The following RIPOR1 variants were observed in gnomAD, a reference collection of about 807,000 sequenced individuals.
RIPOR1 encodes the protein rho family-interacting cell polarization regulator 1.
Under a neutral mutation model 116.5 loss-of-function variants are expected in RIPOR1, and 58 were observed. That is an observed-to-expected ratio of 0.50 (90% CI 0.40 to 0.62). The LOEUF is 0.62. RIPOR1 is among the 20% of genes least tolerant of loss of function. The probability of loss-of-function intolerance (pLI) is 0.00; values close to 1 mark genes in which losing one functional copy is unlikely to be tolerated. For synonymous variants in RIPOR1, 605 were observed against 650.0 expected (o/e 0.93, Z 1.05); for missense variants, 1,372 against 1,586.2 (o/e 0.86, Z 2.29).
rs28364801 is a variant in RIPOR1 at position 67,542,768 on chromosome 16, C to T, written c.1982C>T (p.Thr661Ile). 2.6e-4 allele frequency: 424 copies of T among 1,613,048 alleles called. 3 individuals carry two copies. In the East Asian group the frequency reaches 9.3e-3, roughly 35 times the overall value. Reference sequence around the variant, plus strand: ...ACTGCCACAAGTCCCACCCATCCTACCACAAGCCCCACCCATCCCACCACA... The same window carrying T: ...ACTGCCACAAGTCCCACCCATCCTATCACAAGCCCCACCCATCCCACCACA... Reference protein sequence around the residue: ...VQTATSPTHPTTSPTHPTTSP... With the variant: ...VQTATSPTHPITSPTHPTTSP... The change falls in exon 13 of 22, where the codon ACC (threonine) becomes ATC (isoleucine). Residue 661 changes from threonine to isoleucine, a missense_variant. Thr to Ile is a moderately conservative substitution (Grantham distance 89). Coordinates refer to ENST00000042381, the MANE Select transcript of RIPOR1 (RefSeq NM_024519.4). This position sits in a 1 kb window ranked among gnomAD's most constrained non-coding sequence, Gnocchi z 4.6.
At chr16:67,525,507 C>A (rs921361962), upstream of RIPOR1, among the ~76,000 whole-genome samples, 1 of 151,060 alleles carries the variant, frequency 6.6e-6, no homozygotes, top group Non-Finnish European at 1.5e-5. Flanking sequence ...TTGTCATCCG[C>A]GGGGGCTGTA....
At chr16:67,525,641 G>A (rs2050534008), upstream of RIPOR1, among the ~76,000 whole-genome samples, 1 of 152,116 alleles carries the variant, frequency 6.6e-6, no homozygotes, top group Non-Finnish European at 1.5e-5. Context: ...ACCACCCTCT[G>A]CTGTCTGTCC....
rs1006645494 is a variant in RIPOR1 at position 67,540,514 on chromosome 16, G to A, written c.675+13G>A. 1 of 1,613,998 alleles carries A rather than the reference G, an allele frequency of 6.2e-7. No individual in the cohort carries two copies. The highest frequency in any genetic ancestry group is 8.5e-7 in the Non-Finnish European group (1 of 1,180,002). On this transcript the variant is annotated intron_variant, in intron 9 of 21. Transcript: ENST00000042381. The surrounding 1 kb of genome is among the most constrained non-coding windows in gnomAD (Gnocchi z 4.7). Reference sequence around the variant, plus strand: ...CGATCAGTATGAGGTATGAGAATGTGCAGGGAAGGGCTGGGTCGGTAGGGT... The same window carrying A: ...CGATCAGTATGAGGTATGAGAATGTACAGGGAAGGGCTGGGTCGGTAGGGT...
At chr16:67,522,191 ATTTTTTT>A (rs34835336) in intron 1 of RIPOR1, among the ~76,000 whole-genome samples, 5 of 71,340 alleles carry the variant, frequency 7.0e-5, no homozygotes, top group Admixed American at 1.6e-4. Flanking sequence ...CCACGCCCAG[ATTTTTTT>A]TTTTTTTTTT....
Position 67,542,803 on chromosome 16 carries a change from C to T in RIPOR1, c.2017C>T (p.Leu673Phe), listed in dbSNP as rs563947359. Residue 673 changes from leucine (L) to phenylalanine (F), a missense_variant, in exon 13 of 22, where the codon CTT becomes TTT. Physicochemically the swap from Leu to Phe is conservative, Grantham distance 22 (BLOSUM62 0). This residue lies in a region of RIPOR1 where 1,005 missense variants were observed against 1,144.7 expected (regional missense o/e 0.88). Transcript: ENST00000042381. The surrounding 1 kb of genome is among the most constrained non-coding windows in gnomAD (Gnocchi z 4.6). ...SPTHPTTSPILINVSPSTSLE... is the reference protein window; with the variant it reads ...SPTHPTTSPIFINVSPSTSLE... ...CACCCATCCCACCACAAGCCCCATC[C>T]TTATAAATGTAAGCCCTTCCACTTC... 3.7e-6 allele frequency: 6 copies of T among 1,613,972 alleles called. No individual in the cohort carries two copies. Among genetic ancestry groups the T allele is most frequent in the Non-Finnish European group, 5.1e-6 (6 of 1,179,998 alleles).
rs986060613 is a variant in RIPOR1, at chr16:67,545,209, C to A, written c.3031+92C>A. The A allele has an allele frequency of 2.6e-6, 4 of 1,555,904 alleles. No individual in the cohort carries two copies. The African/African-American group carries it at 5.4e-5, about 21-fold the overall frequency. ...AGGTCAGCCCACACAGATAAACGAA[C>A]TGGGCACCGAGGAGACCAGCAAAGA... On this transcript the variant is annotated intron_variant, in intron 17 of 21. Transcript: ENST00000042381. This position sits in a 1 kb window ranked among gnomAD's most constrained non-coding sequence, Gnocchi z 4.8.
Position 67,544,422 on chromosome 16 carries a change from C to A in RIPOR1, c.2724C>A (p.Arg908=). The change falls in exon 15 of 22, where the codon CGC becomes CGA. Residue 908 remains arginine, a synonymous_variant. Coordinates refer to ENST00000042381, the MANE Select transcript of RIPOR1 (RefSeq NM_024519.4). This position sits in a 1 kb window ranked among gnomAD's most constrained non-coding sequence, Gnocchi z 5.1. ...ALVRHLYHCS[R]LLLKLGTFGP... is the part of the protein sequence containing the mutation. ...TCCGGCACCTGTACCACTGCAGTCG[C>A]CTCCTGCTGGTGAGGCTGATGGTGT... 1 of 1,610,254 alleles carries A rather than the reference C, an allele frequency of 6.2e-7. No individual in the cohort carries two copies. Among genetic ancestry groups the A allele is most frequent in the South Asian group, 1.1e-5 (1 of 91,058 alleles).
At position 67,537,457 on chromosome 16, in the gene RIPOR1, G is replaced by T. The variant is rs1396002986; in HGVS notation, c.-23-967G>T. On this transcript the variant is annotated intron_variant, in intron 1 of 21. Transcript: ENST00000042381. The surrounding 1 kb of genome is among the most constrained non-coding windows in gnomAD (Gnocchi z 4.6). ...ACTGGGCGGGGGGCGGCGCCGGGAGGAGCCGAAGCCGAGCCAGAGCCGCTG... is the reference window on the plus strand; with the variant it reads ...ACTGGGCGGGGGGCGGCGCCGGGAGTAGCCGAAGCCGAGCCAGAGCCGCTG... 1.6e-6 allele frequency: 2 copies of T among 1,242,740 alleles called. No individual in the cohort carries two copies. Among genetic ancestry groups the T allele is most frequent in the African/African-American group, 1.6e-5 (1 of 63,998 alleles). 77.0% of individuals were successfully genotyped at this position (1,242,740 alleles called of 1,614,324 possible). A position where few individuals can be genotyped will look rare whatever the true frequency, so the allele number is the denominator to read the frequency against.
upstream of RIPOR1, chr16:67,528,797 G>A (rs1417958174): frequency 6.6e-6 from 1 of 152,406 alleles, no homozygotes; most frequent in East Asian, 1.9e-4. Flanking sequence ...GCGGCGGGGC[G>A]GCGGGCGGAG....
rs2036759150 is a variant in RIPOR1 at position 67,537,481 on chromosome 16, T to C, written c.-23-943T>C. 8.0e-7 allele frequency: 1 copy of C among 1,251,068 alleles called. No individual in the cohort carries two copies. Among genetic ancestry groups the C allele is most frequent in the Non-Finnish European group, 1.0e-6 (1 of 996,832 alleles). The allele number at this position is 1,251,068 out of a possible 1,614,324, so 77.5% of individuals were successfully genotyped here. ...GGAGCCGAAGCCGAGCCAGAGCCGC[T>C]GGGAGCGAGCCCGGAGCCCAGCCGG... On this transcript the variant is annotated intron_variant, in intron 1 of 21. Transcript: ENST00000042381. The surrounding 1 kb of genome is among the most constrained non-coding windows in gnomAD (Gnocchi z 4.6).
Position 67,539,071 on chromosome 16 carries a change from G to T in RIPOR1, c.336+3G>T. On this transcript the variant is annotated splice_donor_region_variant and intron_variant, in intron 4 of 21. Transcript: ENST00000042381. ...AGTCCAAGAGGAATTCCCGCTTGGT[G>T]AGTGGCGGGAGGTACGGATGCCCTT... is the stretch of plus-strand genomic sequence containing the variant. The T allele has an allele frequency of 6.2e-7, 1 of 1,611,708 alleles. No homozygotes were observed. Among genetic ancestry groups the T allele is most frequent in the South Asian group, 1.1e-5 (1 of 90,846 alleles).
rs2050592984 is a variant in RIPOR1, at chr16:67,529,347, G to A, written c.-24+433G>A. On this transcript the variant is annotated intron_variant, in intron 1 of 21. Coordinates refer to ENST00000042381, the MANE Select transcript of RIPOR1 (RefSeq NM_024519.4). This position sits in a 1 kb window ranked among gnomAD's most constrained non-coding sequence, Gnocchi z 4.1. ...AAGGGTGCGGGCCGGCCTAGGAGCT[G>A]AGCTAATCCTCCTAGCTCTAGGGGC... 6.2e-6 allele frequency: 1 copy of A among 161,326 alleles called. No homozygotes were observed. 10.0% of individuals were successfully genotyped at this position (161,326 alleles called of 1,614,324 possible). A position where few individuals can be genotyped will look rare whatever the true frequency, so the allele number is the denominator to read the frequency against.
rs2050974330 is a variant in RIPOR1 at position 67,541,293 on chromosome 16, C to T, written c.802-137C>T. On this transcript the variant is annotated intron_variant, in intron 10 of 21. Transcript: ENST00000042381. The surrounding 1 kb of genome is among the most constrained non-coding windows in gnomAD (Gnocchi z 4.6). ...CCATGTTGCCCAAGCTGGTCTTGAACTCCTGGCCTTAAGTGATCCTCCTGC... is the reference window on the plus strand; with the variant it reads ...CCATGTTGCCCAAGCTGGTCTTGAATTCCTGGCCTTAAGTGATCCTCCTGC... 1.3e-6 allele frequency: 1 copy of T among 788,642 alleles called. No individual in the cohort carries two copies. The highest frequency in any genetic ancestry group is 2.0e-6 in the Non-Finnish European group (1 of 508,548). 48.9% of individuals were successfully genotyped at this position (788,642 alleles called of 1,614,324 possible). A position where few individuals can be genotyped will look rare whatever the true frequency, so the allele number is the denominator to read the frequency against.
intron 1 of RIPOR1, among the ~76,000 whole-genome samples, chr16:67,520,437 T>TAAGAG (rs796162372): frequency 0.014 from 2,087 of 145,538 alleles, 48 homozygotes; most frequent in African/African-American, 0.042. Context: ...GAAGAGAAGA[T>TAAGAG]AAGAGAAGAG....
At position 67,543,771 on chromosome 16, in the gene RIPOR1, C is replaced by T. The variant is rs1490247518; in HGVS notation, c.2600+302C>T. On this transcript the variant is annotated intron_variant, in intron 14 of 21. Coordinates refer to ENST00000042381, the MANE Select transcript of RIPOR1 (RefSeq NM_024519.4). The surrounding 1 kb of genome is among the most constrained non-coding windows in gnomAD (Gnocchi z 4.7). ...ATCAGCTTGGGTGCCTCCAGCCCCT[C>T]CTCTTCCCCTTGGCCTCACCTTGGA... The T allele has an allele frequency of 2.7e-5, 13 of 481,512 alleles. No individual in the cohort carries two copies. The Admixed American group carries it at 4.0e-4, about 15-fold the overall frequency. 29.8% of individuals were successfully genotyped at this position (481,512 alleles called of 1,614,324 possible).
At position 67,540,391 on chromosome 16, in the gene RIPOR1, G is replaced by A; in HGVS notation, c.631+28G>A. On this transcript the variant is annotated intron_variant, in intron 8 of 21. Transcript: ENST00000042381. The surrounding 1 kb of genome is among the most constrained non-coding windows in gnomAD (Gnocchi z 4.7). ...ACTGAGTTGTGGGGGCAGGTGGGGG[G>A]CTGGAGGGAGTATGCTGAAGAACCC... 5 of 1,614,190 alleles carry A rather than the reference G, an allele frequency of 3.1e-6. No homozygotes were observed. Among genetic ancestry groups the A allele is most frequent in the East Asian group, 2.2e-5 (1 of 44,876 alleles).
Position 67,540,374 on chromosome 16 carries a change from G to A in RIPOR1, c.631+11G>A. 1 of 1,614,196 alleles carries A rather than the reference G, an allele frequency of 6.2e-7. No homozygotes were observed. The highest frequency in any genetic ancestry group is 8.5e-7 in the Non-Finnish European group (1 of 1,180,030). The stretch of plus-strand genomic sequence containing the variant: ...ATCTCCGAATGAAAGGTACTGAGTT[G>A]TGGGGGCAGGTGGGGGGCTGGAGGG... On this transcript the variant is annotated intron_variant, in intron 8 of 21. Transcript: ENST00000042381. This position sits in a 1 kb window ranked among gnomAD's most constrained non-coding sequence, Gnocchi z 4.7.
chr16:67,538,038 A>T (rs1481931929), intron 1 of RIPOR1: 1 of 202,592 alleles, frequency 4.9e-6, no homozygotes, highest in East Asian at 1.1e-4. Context: ...TGGGGGGGGA[A>T]ATCGGGGGCA....
In RIPOR1 at chr16:67,546,022, G is replaced by A. The variant is rs776767210; in HGVS notation, c.3461G>A (p.Gly1154Asp). 5.1e-5 allele frequency: 83 copies of A among 1,612,872 alleles called. No individual in the cohort carries two copies. The highest frequency in any genetic ancestry group is 6.7e-5 in the Non-Finnish European group (79 of 1,179,950). ...QTRVAGCLAL[G>D]CIKAPEGIEP... ...CGAGTGGCTGGCTGCCTGGCCCTAG[G>A]CTGCATCAAGGTGACCCCTGCCAAC... is the stretch of plus-strand genomic sequence containing the variant. The change falls in exon 20 of 22, where the codon GGC (glycine) becomes GAC (aspartate). Residue 1154 changes from glycine (G) to aspartate (D), a missense_variant. By Grantham distance (94) the Gly-to-Asp change is moderately conservative. This residue lies in a region of RIPOR1 where 1,005 missense variants were observed against 1,144.7 expected (regional missense o/e 0.88). Coordinates refer to ENST00000042381, the MANE Select transcript of RIPOR1 (RefSeq NM_024519.4).
Sources: allele counts gnomAD v4.1 joint callset (sites outside exome capture counted in the v4.1 genomes callset), GRCh38; gene constraint gnomAD v4.1.1; regional missense constraint gnomAD v4.1.1; non-coding constraint Gnocchi (gnomAD v3.1); transcripts MANE v1.5; gene names NCBI Gene and HGNC (gene_info 2026-07-23, HGNC 2026-07-21).